Variants in CNTN6 observed in about 807,000 individuals in gnomAD.
The protein encoded by CNTN6 is contactin 6, also known as contactin-6.
Under a neutral mutation model 122.8 loss-of-function variants are expected in CNTN6, and 137 were observed. That is an observed-to-expected ratio of 1.12 (90% confidence interval 0.97 to 1.29). The LOEUF is 1.29. Among genes scored for constraint, CNTN6 ranks in the 50% most tolerant of loss-of-function variants. CNTN6 has a pLI of 0.00. For missense variants in CNTN6, 1,634 were observed against 1,223.4 expected, an observed-to-expected ratio of 1.34 and a Z score of -5.01; for synonymous variants, 570 against 426.0, an observed-to-expected ratio of 1.34 and a Z score of -4.16.
Position 1,297,872 on chromosome 3 carries a change from CTT to C in CNTN6, c.659-14_659-13del. ...CTATTCTCCAGAAATGCTGCTAGCTCTTTTGATATTTAACAGGTGTGATGGGG... is the reference window on the plus strand; with the variant it reads ...CTATTCTCCAGAAATGCTGCTAGCTCTTGATATTTAACAGGTGTGATGGGG... On this transcript the variant is annotated splice_polypyrimidine_tract_variant and intron_variant, in intron 6 of 22. Transcript: ENST00000446702. The C allele has an allele frequency of 1.3e-6, 2 of 1,587,382 alleles. No individual in the cohort carries two copies. Among genetic ancestry groups the C allele is most frequent in the South Asian group, 1.1e-5 (1 of 88,026 alleles).
chr3:1,243,536 C>G (rs1389897568), intron 4 of CNTN6, among the ~76,000 whole-genome samples: 1 of 151,804 alleles, frequency 6.6e-6, no homozygotes, highest in East Asian at 1.9e-4. Flanking sequence ...ATAAGACGGC[C>G]TTTTGACCTT....
intron 4 of CNTN6, among the ~76,000 whole-genome samples, chr3:1,248,764 G>C (rs1004866398): frequency 6.6e-6 from 1 of 152,042 alleles, no homozygotes; most frequent in Admixed American, 6.5e-5. Flanking sequence ...AGGTTGCAGT[G>C]AGCTGAGATC....
chr3:1,147,947 A>AAGATACTGACTCTTG lies in CNTN6; in HGVS notation c.-57_-56insCTGACTCTTGAGATA. On this transcript the variant is annotated 5_prime_UTR_variant, in exon 2 of 23. Coordinates refer to ENST00000446702, the MANE Select transcript of CNTN6 (RefSeq NM_001289080.2). ...TTCAGACTCTTGAGATACTGACTGG[A>AAGATACTGACTCTTG]AGATAGACTGTTTTGTTCCACCTGA... The AAGATACTGACTCTTG allele has an allele frequency of 8.3e-7, 1 of 1,203,474 alleles. No individual in the cohort carries two copies. The highest frequency in any genetic ancestry group is 1.2e-6 in the Non-Finnish European group (1 of 811,172). 74.5% of individuals were successfully genotyped at this position (1,203,474 alleles called of 1,614,324 possible).
At chr3:1,098,781 C>CATATAT (rs1251889784) in intron 1 of CNTN6, among the ~76,000 whole-genome samples, 9 of 60,874 alleles carry the variant, frequency 1.5e-4, no homozygotes, top group South Asian at 6.5e-4. Flanking sequence ...CACACACACA[C>CATATAT]ACACACACAT....
At chr3:1,187,127 A>G (rs886110418) in intron 2 of CNTN6, among the ~76,000 whole-genome samples, 2 of 152,162 alleles carry the variant, frequency 1.3e-5, no homozygotes, top group Admixed American at 1.3e-4. Flanking sequence ...TGTTTTTACA[A>G]TTCATAGACT....
In CNTN6 at chr3:1,326,365, A is replaced by G. The variant is rs142562885; in HGVS notation, c.1083+414A>G. On this transcript the variant is annotated intron_variant, in intron 9 of 22. Transcript: ENST00000446702. Reference sequence around the variant, plus strand: ...ATACAAGTATTATTCCTTTATGTAAATGAAGAAAATGAGTTTCAAAGAGGT... The same window carrying G: ...ATACAAGTATTATTCCTTTATGTAAGTGAAGAAAATGAGTTTCAAAGAGGT... Among the ~76,000 whole-genome samples the G allele has an allele frequency of 2.9e-3, 443 of 151,948 alleles. 1 individual carries two copies. Among genetic ancestry groups the G allele is most frequent in the African/African-American group, 0.01 (419 of 41,488 alleles).
chr3:1,245,234 ATACACAC>A (rs1559595955), intron 4 of CNTN6, among the ~76,000 whole-genome samples: 15 of 11,886 alleles, frequency 1.3e-3, no homozygotes, highest in African/African-American at 7.2e-3. Flanking sequence ...ATATATATAT[ATACACAC>A]ACACATATAT....
intron 7 of CNTN6, among the ~76,000 whole-genome samples, chr3:1,307,183 C>T (rs577266155): frequency 3.9e-5 from 6 of 152,086 alleles, no homozygotes; most frequent in Non-Finnish European, 7.4e-5. Flanking sequence ...TCTTTCCTTC[C>T]AGACTTTCAG....
chr3:1,213,756 T>C (rs1254904773), intron 2 of CNTN6, among the ~76,000 whole-genome samples: 1 of 151,920 alleles, frequency 6.6e-6, no homozygotes, highest in Non-Finnish European at 1.5e-5. Flanking sequence ...AATTTTATTT[T>C]AGAAAACAGA....
intron 7 of CNTN6, among the ~76,000 whole-genome samples, chr3:1,306,477 A>T (rs151012634): frequency 6.6e-4 from 100 of 152,306 alleles, no homozygotes; most frequent in African/African-American, 2.4e-3. Flanking sequence ...CGCTCAACCT[A>T]GCAATAAATA....
intron 2 of CNTN6, among the ~76,000 whole-genome samples, chr3:1,158,891 CATATATAT>C (rs1158443754): frequency 1.3e-5 from 1 of 74,416 alleles, no homozygotes; most frequent in South Asian, 3.6e-4. Context: ...TATATACACA[CATATATAT>C]ACACATATAT....
chr3:1,307,532 C>A (rs1286911207), intron 7 of CNTN6, among the ~76,000 whole-genome samples: 1 of 152,104 alleles, frequency 6.6e-6, no homozygotes, highest in Admixed American at 6.6e-5. Context: ...GCATTTGTTA[C>A]AATTAACCAG....
chr3:1,183,450 T>G (rs72999854), intron 2 of CNTN6, among the ~76,000 whole-genome samples: 2 of 152,196 alleles, frequency 1.3e-5, no homozygotes, highest in Non-Finnish European at 2.9e-5. Flanking sequence ...GACCATATTT[T>G]TTTTTTTCAG....
At chr3:1,141,064 A>G (rs1287883730) in intron 1 of CNTN6, among the ~76,000 whole-genome samples, 1 of 152,182 alleles carries the variant, frequency 6.6e-6, no homozygotes. Flanking sequence ...TTAATTTATT[A>G]TTGATTTAGC....
In CNTN6 at chr3:1,383,401, G is replaced by A. The variant is rs1430784394; in HGVS notation, c.2510G>A (p.Gly837Asp). 6.2e-7 allele frequency: 1 copy of A among 1,612,710 alleles called. No individual in the cohort carries two copies. Among genetic ancestry groups the A allele is most frequent in the East Asian group, 2.2e-5 (1 of 44,860 alleles). ...AWNRNTGRVL[G>D]YEVLYWTDDS... ...AATAGAAACACTGGAAGAGTGCTGG[G>A]CTATGAGGTAATCCACATTAATTTC... Residue 837 changes from glycine to aspartate, a missense_variant, in exon 19 of 23, where the codon GGC (glycine) becomes GAC (aspartate). By Grantham distance (94) the Gly-to-Asp change is moderately conservative (BLOSUM62 -1). Coordinates refer to ENST00000446702, the MANE Select transcript of CNTN6 (RefSeq NM_001289080.2).
chr3:1,123,595 A>G (rs945054433), intron 1 of CNTN6, among the ~76,000 whole-genome samples: 4 of 151,816 alleles, frequency 2.6e-5, no homozygotes, highest in Admixed American at 1.3e-4. Flanking sequence ...GAAGACTGAG[A>G]TTTTTATATG....
intron 3 of CNTN6, among the ~76,000 whole-genome samples, chr3:1,224,410 G>A (rs766468630): frequency 7.9e-5 from 12 of 152,088 alleles, no homozygotes; most frequent in Non-Finnish European, 7.4e-5. Context: ...GGAGCTGGAA[G>A]AGAAGATTTT....
At chr3:1,312,203 C>T (rs575238464) in intron 7 of CNTN6, among the ~76,000 whole-genome samples, 10 of 151,952 alleles carry the variant, frequency 6.6e-5, no homozygotes, top group Non-Finnish European at 1.3e-4. Flanking sequence ...TAATGTCAAA[C>T]ATTCCTTTCC....
chr3:1,341,834 A>G (rs1022906749), intron 11 of CNTN6, among the ~76,000 whole-genome samples: 1 of 152,168 alleles, frequency 6.6e-6, no homozygotes, highest in Admixed American at 6.6e-5. Context: ...CTAGTTGTAA[A>G]TACAATTACA....
Sources: gnomAD v4.1 joint callset for allele counts (sites outside exome capture counted in the v4.1 genomes callset) on GRCh38, gnomAD v4.1.1 for gene constraint, MANE v1.5 for transcripts, NCBI Gene and HGNC (gene_info 2026-07-23, HGNC 2026-07-21) for gene names.